The following AGPAT5 variants were observed in gnomAD, a reference collection of about 807,000 sequenced individuals.
AGPAT5 encodes 1-acyl-sn-glycerol-3-phosphate acyltransferase epsilon.
Under a neutral mutation model 45.6 loss-of-function variants are expected in AGPAT5, and 46 were observed. That is an observed-to-expected ratio of 1.01 (90% CI 0.80 to 1.29). The LOEUF (loss-of-function observed/expected upper bound fraction) is 1.29, where lower values mean the gene tolerates loss of function less well. Ranked by LOEUF, AGPAT5 falls within the 50% of genes most tolerant of loss-of-function variation. AGPAT5 has a pLI of 0.00. For missense variants in AGPAT5, 673 were observed against 450.7 expected, an observed-to-expected ratio of 1.49 and a Z score of -4.47; for synonymous variants, 272 against 167.0, an observed-to-expected ratio of 1.63 and a Z score of -4.85.
chr8:6,737,661 G>A (rs1801099222), intron 4 of AGPAT5, among the ~76,000 whole-genome samples: 1 of 152,182 alleles, frequency 6.6e-6, no homozygotes, highest in South Asian at 2.1e-4. Context: ...TTTTCTTCCA[G>A]CTTTCACTTA....
At chr8:6,755,829 A>C (rs1024129788) in intron 7 of AGPAT5, among the ~76,000 whole-genome samples, 2 of 152,206 alleles carry the variant, frequency 1.3e-5, no homozygotes, top group Admixed American at 6.5e-5. Context: ...TAAAAGTGTA[A>C]TAGGTTAACA....
rs915748200 is a variant in AGPAT5, at chr8:6,754,734, T to C, written c.746-317T>C. ...GTATGGACTTAGAGGAGGCTCCAGC[T>C]TCCTATTCCTGGGCTGTCTATAGCA... On this transcript the variant is annotated intron_variant, in intron 6 of 7. Coordinates refer to ENST00000285518, the MANE Select transcript of AGPAT5 (RefSeq NM_018361.5). 1.9e-4 allele frequency among the ~76,000 whole-genome samples: 29 copies of C among 152,242 alleles called. No homozygotes were observed. In the South Asian group the frequency reaches 2.1e-3, roughly 11 times the overall value.
At chr8:6,747,077 T>C (rs1801496905) in intron 5 of AGPAT5, among the ~76,000 whole-genome samples, 2 of 152,226 alleles carry the variant, frequency 1.3e-5, no homozygotes, top group Non-Finnish European at 2.9e-5. Context: ...CCTATGAATG[T>C]TCATAGCAGC....
intron 3 of AGPAT5, among the ~76,000 whole-genome samples, chr8:6,732,296 A>G (rs1800890551): frequency 6.6e-6 from 1 of 152,210 alleles, no homozygotes; most frequent in Non-Finnish European, 1.5e-5. Flanking sequence ...GAAAGAAAGC[A>G]TTTTCATTTT....
At chr8:6,730,913 A>G in intron 3 of AGPAT5, 87 bp downstream of exon 3, 1 of 821,732 alleles carries the variant, frequency 1.2e-6, no homozygotes, top group South Asian at 2.0e-5. Context: ...TTTATTGCTC[A>G]GGCTGAGTGC....
intron 2 of AGPAT5, among the ~76,000 whole-genome samples, chr8:6,725,724 C>G (rs1385553216): frequency 1.3e-5 from 2 of 152,142 alleles, no homozygotes; most frequent in Non-Finnish European, 2.9e-5. Context: ...ATGCGTACTT[C>G]CTAAATTGCA....
intron 1 of AGPAT5, among the ~76,000 whole-genome samples, chr8:6,720,179 A>T (rs1450898154): frequency 6.6e-6 from 1 of 152,160 alleles, no homozygotes; most frequent in Non-Finnish European, 1.5e-5. Flanking sequence ...CAGGATGACC[A>T]TGTGCTGTGG....
chr8:6,726,750 C>G (rs549934391), intron 2 of AGPAT5, among the ~76,000 whole-genome samples: 1 of 152,272 alleles, frequency 6.6e-6, no homozygotes, highest in African/African-American at 2.4e-5. Flanking sequence ...TAGAGAACCA[C>G]TTCCCCTTCC....
chr8:6,750,167 T>A (rs576380373), intron 6 of AGPAT5, among the ~76,000 whole-genome samples: 1 of 152,334 alleles, frequency 6.6e-6, no homozygotes, highest in South Asian at 2.1e-4. Context: ...CTGCCCCTGC[T>A]CTTGCAGTAC....
At chr8:6,723,633 A>G (rs1318466565) in intron 1 of AGPAT5, among the ~76,000 whole-genome samples, 1 of 152,256 alleles carries the variant, frequency 6.6e-6, no homozygotes, top group Non-Finnish European at 1.5e-5. Context: ...AACTCTGAAC[A>G]GATCAAGCTA....
chr8:6,719,133 T>C (rs1001978332), intron 1 of AGPAT5, among the ~76,000 whole-genome samples: 2 of 152,256 alleles, frequency 1.3e-5, no homozygotes, highest in Non-Finnish European at 2.9e-5. Flanking sequence ...GGATTTAATA[T>C]GGTGAATTAT....
intron 1 of AGPAT5, among the ~76,000 whole-genome samples, chr8:6,717,508 A>G (rs534493419): frequency 3.3e-5 from 5 of 152,360 alleles, no homozygotes; most frequent in Admixed American, 3.3e-4. Flanking sequence ...AGTAACACAT[A>G]ATTTAGCAGT....
intron 6 of AGPAT5, among the ~76,000 whole-genome samples, chr8:6,750,928 G>C (rs929192251): frequency 3.3e-5 from 5 of 150,334 alleles, no homozygotes; most frequent in African/African-American, 1.2e-4. Context: ...CCCGCTTTCT[G>C]AGACATTATT....
intron 5 of AGPAT5, 150 bp from the exon 6 acceptor site, chr8:6,747,520 C>T (rs1389351371): frequency 2.8e-6 from 2 of 718,786 alleles, no homozygotes; most frequent in South Asian, 2.3e-5. Context: ...AGAGTGCTTT[C>T]TAAACTTAGA....
chr8:6,740,921 A>G (rs1587045220), intron 4 of AGPAT5, among the ~76,000 whole-genome samples: 1 of 152,168 alleles, frequency 6.6e-6, no homozygotes, highest in African/African-American at 2.4e-5. Context: ...GCTGTCAATC[A>G]AAGTTATTAG....
rs546315034 is a variant in AGPAT5 at position 6,749,898 on chromosome 8, G to A, written c.745+2070G>A. Among the ~76,000 whole-genome samples the A allele has an allele frequency of 4.1e-4, 62 of 152,322 alleles. 1 individual carries two copies. The South Asian group carries it at 5.8e-3, about 14-fold the overall frequency. On this transcript the variant is annotated intron_variant, in intron 6 of 7. Transcript: ENST00000285518. ...TGGGTAAGGCCAGCCTCTGTTGCCT[G>A]CCATCGGAGGAATGCGTTCCAGCCG...
rs766529343 is a variant in AGPAT5, at chr8:6,758,682, G to A, written c.*1294G>A. On this transcript the variant is annotated 3_prime_UTR_variant, in exon 8 of 8. Coordinates refer to ENST00000285518, the MANE Select transcript of AGPAT5 (RefSeq NM_018361.5). The stretch of plus-strand genomic sequence containing the variant: ...GTGGAGCTACACATTAATATGTATC[G>A]CCTTAGAGCAAGAGCTGTGTTCCAG... 3 of 152,558 alleles carry A rather than the reference G, an allele frequency of 2.0e-5. No individual in the cohort carries two copies. Among genetic ancestry groups the A allele is most frequent in the Admixed American group, 6.5e-5 (1 of 15,272 alleles). 9.5% of individuals were successfully genotyped at this position (152,558 alleles called of 1,614,324 possible).
At chr8:6,754,070 C>G (rs1338107503) in intron 6 of AGPAT5, among the ~76,000 whole-genome samples, 1 of 152,224 alleles carries the variant, frequency 6.6e-6, no homozygotes, top group Non-Finnish European at 1.5e-5. Flanking sequence ...TCCCACTCGG[C>G]ATACCTCCCT....
At chr8:6,721,185 G>T (rs1197216764) in intron 1 of AGPAT5, among the ~76,000 whole-genome samples, 2 of 152,270 alleles carry the variant, frequency 1.3e-5, no homozygotes, top group African/African-American at 4.8e-5. Flanking sequence ...AAAAAGACTA[G>T]TTTTTGTATG....
Sources: allele counts gnomAD v4.1 joint callset (sites outside exome capture counted in the v4.1 genomes callset), GRCh38; gene constraint gnomAD v4.1.1; transcripts MANE v1.5; gene names NCBI Gene and HGNC (gene_info 2026-07-23, HGNC 2026-07-21).